RCAN1: variants seen among roughly 807,000 people sequenced by gnomAD.
RCAN1 encodes the protein regulator of calcineurin 1, also known as calcipressin-1.
In RCAN1, 11 loss-of-function variants were observed where a neutral mutation model predicts 22.9. The observed-to-expected ratio is 0.48, with a 90% CI of 0.30 to 0.79. RCAN1 has a LOEUF of 0.79. Among genes scored for constraint, RCAN1 ranks in the 30% least tolerant of loss-of-function variants. RCAN1 has a pLI of 0.06. For synonymous variants in RCAN1, 136 were observed against 142.3 expected, an observed-to-expected ratio of 0.96 and a Z score of 0.32; for missense variants, 291 against 337.8, an observed-to-expected ratio of 0.86 and a Z score of 1.09.
At chr21:34,590,326 G>A (rs765043716) in intron 1 of RCAN1, among the ~76,000 whole-genome samples, 1 of 152,222 alleles carries the variant, frequency 6.6e-6, no homozygotes, top group African/African-American at 2.4e-5. Flanking sequence ...TGCACTCCAC[G>A]AGAGCAAAGA....
intron 1 of RCAN1, among the ~76,000 whole-genome samples, chr21:34,611,472 T>G (rs1988685550): frequency 6.6e-6 from 1 of 152,234 alleles, no homozygotes; most frequent in Non-Finnish European, 1.5e-5. Context: ...CAGCTTCTGA[T>G]GTAAATTTTC....
At chr21:34,521,197 GC>G in intron 3 of RCAN1, 2 of 1,373,490 alleles carry the variant, frequency 1.5e-6, no homozygotes, top group Non-Finnish European at 1.9e-6. Context: ...CGGGGCTCAG[GC>G]CTCCCACGCA....
chr21:34,547,532 G>T (rs778867814), intron 1 of RCAN1, among the ~76,000 whole-genome samples: 3 of 152,220 alleles, frequency 2.0e-5, no homozygotes, highest in Non-Finnish European at 4.4e-5. Context: ...CAGTGCAATG[G>T]TGCTATGGTT....
chr21:34,593,922 C>T (rs541453183), intron 1 of RCAN1, among the ~76,000 whole-genome samples: 2 of 152,244 alleles, frequency 1.3e-5, no homozygotes, highest in East Asian at 3.9e-4. Context: ...AGAAAAAAAT[C>T]GTTAGTTTCC....
intron 1 of RCAN1, among the ~76,000 whole-genome samples, chr21:34,552,421 C>T (rs191966112): frequency 9.2e-4 from 140 of 152,328 alleles, no homozygotes; most frequent in Admixed American, 3.5e-3. Context: ...CTAAGTGATA[C>T]TATGCGATGT....
chr21:34,601,906 T>TCAC (rs929857850), intron 1 of RCAN1, among the ~76,000 whole-genome samples: 1 of 151,758 alleles, frequency 6.6e-6, no homozygotes, highest in Non-Finnish European at 1.5e-5. Context: ...ATAGACACCT[T>TCAC]CACACTCACT....
At chr21:34,586,873 G>T (rs547787156) in intron 1 of RCAN1, among the ~76,000 whole-genome samples, 1 of 152,172 alleles carries the variant, frequency 6.6e-6, no homozygotes, top group East Asian at 1.9e-4. Context: ...AGAATTGCTT[G>T]AACCCAGGAG....
chr21:34,584,342 T>C (rs1485177818), intron 1 of RCAN1, among the ~76,000 whole-genome samples: 1 of 152,106 alleles, frequency 6.6e-6, no homozygotes, highest in Non-Finnish European at 1.5e-5. Context: ...TGATGAAAAA[T>C]AAGCCTTCCA....
At chr21:34,597,149 A>C (rs1446616063) in intron 1 of RCAN1, among the ~76,000 whole-genome samples, 3 of 152,182 alleles carry the variant, frequency 2.0e-5, no homozygotes, top group African/African-American at 7.2e-5. Flanking sequence ...ATGAGCGAGG[A>C]ACCCGTGCAG....
At chr21:34,580,950 A>G (rs1987584642) in intron 1 of RCAN1, among the ~76,000 whole-genome samples, 1 of 152,190 alleles carries the variant, frequency 6.6e-6, no homozygotes, top group African/African-American at 2.4e-5. Context: ...TCTATGGAAA[A>G]GGAGGGGTGA....
intron 1 of RCAN1, among the ~76,000 whole-genome samples, chr21:34,538,556 C>A (rs575311601): frequency 7.9e-4 from 121 of 152,222 alleles, no homozygotes; most frequent in African/African-American, 2.6e-3. Flanking sequence ...GAGGTTCTTG[C>A]GCAGGGGAGG....
intron 1 of RCAN1, among the ~76,000 whole-genome samples, chr21:34,554,949 C>G (rs576881053): frequency 6.8e-4 from 103 of 152,316 alleles, no homozygotes; most frequent in African/African-American, 2.4e-3. Flanking sequence ...TGGGAAAGAC[C>G]TGCCCCCATG....
chr21:34,566,952 C>T (rs1199590904), intron 1 of RCAN1, among the ~76,000 whole-genome samples: 2 of 152,104 alleles, frequency 1.3e-5, no homozygotes, highest in African/African-American at 2.4e-5. Context: ...GGGATCTACC[C>T]CCTTGACCCA....
intron 1 of RCAN1, among the ~76,000 whole-genome samples, chr21:34,585,397 G>A (rs192215239): frequency 5.3e-5 from 8 of 152,236 alleles, no homozygotes; most frequent in Admixed American, 3.9e-4. Flanking sequence ...TAAAAGAACA[G>A]TAATGTCTAA....
Position 34,532,995 on chromosome 21 carries a change from C to CTGT in RCAN1, c.253-9288_253-9286dup, listed in dbSNP as rs113209335. 9.5e-3 allele frequency among the ~76,000 whole-genome samples: 1,403 copies of CTGT among 147,588 alleles called. 27 individuals carry two copies. Among genetic ancestry groups the CTGT allele is most frequent in the African/African-American group, 0.033 (1,327 of 40,154 alleles). On this transcript the variant is annotated intron_variant, in intron 1 of 3. Coordinates refer to ENST00000313806, the MANE Select transcript of RCAN1 (RefSeq NM_004414.7). ...TTTTTTTTTGAGACGGAGTCTTGCT[C>CTGT]TGTCGCCCAGGCTGGAGTGCAGTGG... is the stretch of plus-strand genomic sequence containing the variant.
At position 34,518,345 on chromosome 21, in the gene RCAN1, GC is replaced by G; in HGVS notation, c.587-90del. On this transcript the variant is annotated intron_variant, in intron 3 of 3. Coordinates refer to ENST00000313806, the MANE Select transcript of RCAN1 (RefSeq NM_004414.7). This position sits in a 1 kb window ranked among gnomAD's most constrained non-coding sequence, Gnocchi z 4.2. Reference sequence around the variant, plus strand: ...AAAAGAGCATTCAGGGCTCTGCTGGGCCAGCTGCTCGTGACCATTCGATTGG... The same window carrying G: ...AAAAGAGCATTCAGGGCTCTGCTGGGCAGCTGCTCGTGACCATTCGATTGG... 7.1e-7 allele frequency: 1 copy of G among 1,401,474 alleles called. No individual in the cohort carries two copies. The highest frequency in any genetic ancestry group is 9.7e-7 in the Non-Finnish European group (1 of 1,028,902). The allele number at this position is 1,401,474 out of a possible 1,614,324, so 86.8% of individuals were successfully genotyped here. A position where few individuals can be genotyped will look rare whatever the true frequency, so the allele number is the denominator to read the frequency against.
At chr21:34,532,930 AT>A (rs1175502291) in intron 1 of RCAN1, among the ~76,000 whole-genome samples, 1 of 151,828 alleles carries the variant, frequency 6.6e-6, no homozygotes, top group Non-Finnish European at 1.5e-5. Context: ...TTAAAATTTG[AT>A]AATACAGTCA....
intron 1 of RCAN1, among the ~76,000 whole-genome samples, chr21:34,549,090 T>TCTGTTG (rs1986258164): frequency 6.6e-6 from 1 of 152,136 alleles, no homozygotes; most frequent in Non-Finnish European, 1.5e-5. Flanking sequence ...TCATCAGTCT[T>TCTGTTG]CTGTTGCTCA....
intron 1 of RCAN1, among the ~76,000 whole-genome samples, chr21:34,540,768 T>C (rs1454638251): frequency 6.6e-6 from 1 of 151,910 alleles, no homozygotes; most frequent in African/African-American, 2.4e-5. Context: ...GGGCAGATCA[T>C]GAGGTCAGGA....
Sources: gnomAD v4.1 joint callset for allele counts (sites outside exome capture counted in the v4.1 genomes callset) on GRCh38, gnomAD v4.1.1 for gene constraint, Gnocchi (gnomAD v3.1) non-coding constraint, MANE v1.5 for transcripts, NCBI Gene and HGNC (gene_info 2026-07-23, HGNC 2026-07-21) for gene names.